PKHD1: variants seen among roughly 807,000 people sequenced by gnomAD.
PKHD1 encodes PKHD1 ciliary IPT domain containing fibrocystin/polyductin.
In PKHD1, 291 loss-of-function variants were observed where a neutral mutation model predicts 412.0. The observed-to-expected ratio is 0.71, with a 90% CI of 0.64 to 0.78. The LOEUF is 0.78. Among genes scored for constraint, PKHD1 ranks in the 30% least tolerant of loss-of-function variants. The probability of loss-of-function intolerance (pLI) is 0.00; values close to 1 mark genes in which losing one functional copy is unlikely to be tolerated. For missense variants in PKHD1, 4,825 were observed against 4,950.7 expected (o/e 0.97, Z 0.76); for synonymous variants, 1,777 against 1,821.5 (o/e 0.98, Z 0.62).
chr6:51,621,272 C>A (rs943724795), intron 66 of PKHD1, among the ~76,000 whole-genome samples: 5 of 152,188 alleles, frequency 3.3e-5, no homozygotes, highest in Admixed American at 1.3e-4. Flanking sequence ...AAGCACTGAG[C>A]TGGGCATCAT....
intron 35 of PKHD1, among the ~76,000 whole-genome samples, chr6:51,994,966 A>G (rs958971201): frequency 3.3e-4 from 50 of 152,320 alleles, no homozygotes; most frequent in Middle Eastern, 3.4e-3. Context: ...AGCCAATCTC[A>G]GACCACTATA....
chr6:51,708,100 T>C (rs1029959499), intron 60 of PKHD1, among the ~76,000 whole-genome samples: 6 of 152,196 alleles, frequency 3.9e-5, no homozygotes, highest in Admixed American at 1.3e-4. Context: ...GACTATCATA[T>C]ACCTCATATT....
intron 60 of PKHD1, among the ~76,000 whole-genome samples, chr6:51,677,690 T>C (rs1776065218): frequency 6.6e-6 from 1 of 152,180 alleles, no homozygotes; most frequent in Non-Finnish European, 1.5e-5. Flanking sequence ...CTACAATCAG[T>C]TCTTTCAGGG....
intron 23 of PKHD1, among the ~76,000 whole-genome samples, chr6:52,048,085 A>C (rs1806148947): frequency 6.6e-6 from 1 of 152,198 alleles, no homozygotes; most frequent in Admixed American, 6.5e-5. Context: ...CATGCTAGCC[A>C]CCACCAGAAG....
intron 63 of PKHD1, among the ~76,000 whole-genome samples, chr6:51,647,270 G>A (rs1399731672): frequency 6.6e-6 from 1 of 152,080 alleles, no homozygotes; most frequent in Non-Finnish European, 1.5e-5. Flanking sequence ...GGTTAAATAG[G>A]AACTTAGAAC....
chr6:51,712,562 T>C (rs1263837147), intron 60 of PKHD1, among the ~76,000 whole-genome samples: 1 of 152,188 alleles, frequency 6.6e-6, no homozygotes, highest in Admixed American at 6.5e-5. Flanking sequence ...CTCAAAGTGG[T>C]TTACAAGGTT....
chr6:51,682,542 G>T (rs1231904098), intron 60 of PKHD1, among the ~76,000 whole-genome samples: 1 of 152,048 alleles, frequency 6.6e-6, no homozygotes, highest in Admixed American at 6.6e-5. Context: ...TTTGGGCTTT[G>T]CTTTAATATG....
intron 35 of PKHD1, among the ~76,000 whole-genome samples, chr6:51,972,596 C>T (rs777706014): frequency 1.3e-5 from 2 of 152,166 alleles, no homozygotes; most frequent in South Asian, 4.1e-4. Flanking sequence ...AAAACCATCA[C>T]CCTCATCTTT....
At position 51,619,549 on chromosome 6, in the gene PKHD1, T is replaced by C. The variant is rs770737361; in HGVS notation, c.11786-29A>G. Reference sequence around the variant, plus strand: ...GGGGGAAAAGAAATAGGGGAAGAAATGGATTTAGTTTTCAACCAGTTAATT... The same window carrying C: ...GGGGGAAAAGAAATAGGGGAAGAAACGGATTTAGTTTTCAACCAGTTAATT... On this transcript the variant is annotated intron_variant, in intron 66 of 66. Coordinates refer to ENST00000371117, the MANE Select transcript of PKHD1 (RefSeq NM_138694.4). 11 of 1,582,050 alleles carry C rather than the reference T, an allele frequency of 7.0e-6. No individual in the cohort carries two copies. In the Admixed American group the frequency reaches 1.8e-4, roughly 26 times the overall value.
intron 35 of PKHD1, among the ~76,000 whole-genome samples, chr6:51,988,285 T>G (rs1796452579): frequency 6.6e-6 from 1 of 152,242 alleles, no homozygotes; most frequent in Admixed American, 6.5e-5. Flanking sequence ...ATAGGTAATT[T>G]ATGCCTCAAT....
chr6:51,810,712 C>A (rs1764562367), intron 52 of PKHD1, among the ~76,000 whole-genome samples: 1 of 152,104 alleles, frequency 6.6e-6, no homozygotes, highest in African/African-American at 2.4e-5. Context: ...ATTTAAGAAG[C>A]CCTTACTCAG....
chr6:52,036,691 A>G (rs1804004518), intron 27 of PKHD1, among the ~76,000 whole-genome samples: 1 of 152,256 alleles, frequency 6.6e-6, no homozygotes, highest in Non-Finnish European at 1.5e-5. Flanking sequence ...GCAATATACA[A>G]TCGTGATATA....
intron 43 of PKHD1, among the ~76,000 whole-genome samples, chr6:51,894,515 G>T (rs1779593636): frequency 6.6e-6 from 1 of 152,236 alleles, no homozygotes; most frequent in African/African-American, 2.4e-5. Flanking sequence ...GAACTAGCAA[G>T]GTGACTGACT....
intron 35 of PKHD1, among the ~76,000 whole-genome samples, chr6:51,964,053 C>A (rs1430193302): frequency 1.3e-5 from 2 of 152,154 alleles, no homozygotes; most frequent in East Asian, 3.9e-4. Context: ...CCCAAATAAA[C>A]CCCAAAAAAA....
rs766251998 is a variant in PKHD1, at chr6:51,619,293, G to A, written c.12013C>T (p.Gln4005Ter). 1 of 1,614,252 alleles carries A rather than the reference G, an allele frequency of 6.2e-7. No individual in the cohort carries two copies. The highest frequency in any genetic ancestry group is 8.5e-7 in the Non-Finnish European group (1 of 1,180,044). The change falls in exon 67 of 67, where the codon CAG (glutamine) becomes TAG (stop). Residue 4005 changes from glutamine to a stop codon, truncating the protein, a stop_gained. Transcript: ENST00000371117. LOFTEE classifies it low-confidence loss of function (END_TRUNC). ...CCTGCCAGCTGGTATCTGAGCAACT[G>A]CTCTTGGCCCTCCTTCCAGTTCCCA... ...ETGNWKEGQE[Q>*]LLRYQLAGQN...
intron 41 of PKHD1, among the ~76,000 whole-genome samples, chr6:51,905,037 T>C (rs1233177688): frequency 6.6e-6 from 1 of 152,218 alleles, no homozygotes; most frequent in Admixed American, 6.5e-5. Context: ...TCACATTTTC[T>C]CACTAGACAG....
At chr6:51,825,399 CCTTTCTTAGGCTATT>C (rs1236728367) in intron 52 of PKHD1, among the ~76,000 whole-genome samples, 1 of 152,144 alleles carries the variant, frequency 6.6e-6, no homozygotes, top group Non-Finnish European at 1.5e-5. Context: ...TTTTGGAACA[CCTTTCTTAGGCTATT>C]CTTTCTTGGA....
intron 37 of PKHD1, among the ~76,000 whole-genome samples, chr6:51,915,613 C>T (rs1783654615): frequency 6.6e-6 from 1 of 151,976 alleles, no homozygotes; most frequent in South Asian, 2.1e-4. Flanking sequence ...CATGCAGAGA[C>T]AGTTGCCACA....
intron 53 of PKHD1, among the ~76,000 whole-genome samples, chr6:51,779,886 T>C (rs1177755635): frequency 4.6e-5 from 7 of 152,078 alleles, no homozygotes. Context: ...CCACAAAGAA[T>C]GCGCATTCTT....
Sources: allele counts gnomAD v4.1 joint callset (sites outside exome capture counted in the v4.1 genomes callset), GRCh38; gene constraint gnomAD v4.1.1; transcripts MANE v1.5; gene names NCBI Gene and HGNC (gene_info 2026-07-23, HGNC 2026-07-21).